CTNNA2: variants seen among roughly 807,000 people sequenced by gnomAD.
The protein encoded by CTNNA2 is catenin alpha-2.
Under a neutral mutation model 101.0 loss-of-function variants are expected in CTNNA2, and 42 were observed. That is an observed-to-expected ratio of 0.42 (90% CI 0.32 to 0.54). The LOEUF (loss-of-function observed/expected upper bound fraction) is 0.54. Among genes scored for constraint, CTNNA2 ranks in the 20% least tolerant of loss-of-function variants. CTNNA2 has a pLI of 0.14. For missense variants in CTNNA2, 871 were observed against 1,223.1 expected (o/e 0.71, Z 4.29); for synonymous variants, 450 against 456.4 (o/e 0.99, Z 0.18).
At chr2:80,347,648 A>G (rs769731957) in intron 7 of CTNNA2, among the ~76,000 whole-genome samples, 34 of 151,384 alleles carry the variant, frequency 2.2e-4, no homozygotes, top group Non-Finnish European at 4.0e-4. Flanking sequence ...TGTATCTGAC[A>G]TTCCATGTGG....
At chr2:80,134,995 C>T (rs991307754) in intron 7 of CTNNA2, among the ~76,000 whole-genome samples, 1 of 152,036 alleles carries the variant, frequency 6.6e-6, no homozygotes, top group Non-Finnish European at 1.5e-5. Context: ...TAGATAGATG[C>T]CAGGTGCAGT....
intron 9 of CTNNA2, among the ~76,000 whole-genome samples, chr2:80,540,697 A>AT (rs1691479363): frequency 6.6e-6 from 1 of 151,434 alleles, no homozygotes; most frequent in African/African-American, 2.4e-5. Context: ...AAGCTATATT[A>AT]TTTTTTTCTT....
At chr2:79,939,945 A>C (rs1301671261) in intron 7 of CTNNA2, among the ~76,000 whole-genome samples, 1 of 152,106 alleles carries the variant, frequency 6.6e-6, no homozygotes, top group Non-Finnish European at 1.5e-5. Flanking sequence ...ATACAAAATT[A>C]GCTGGGCGTG....
In CTNNA2 at chr2:79,669,501, G is replaced by T. The variant is rs151061826; in HGVS notation, c.102+17843G>T. ...GCGCAGACAATTGAAGGGTGAAGAA[G>T]AGGTTTATTTAGTGTTAGACGAGCT... On this transcript the variant is annotated intron_variant, in intron 2 of 18. Transcript: ENST00000402739. 4.0e-3 allele frequency among the ~76,000 whole-genome samples: 616 copies of T among 152,274 alleles called. 26 individuals are homozygous for T. In the South Asian group the frequency reaches 0.077, roughly 19 times the overall value.
At chr2:80,366,994 G>C (rs2149326928) in intron 7 of CTNNA2, among the ~76,000 whole-genome samples, 1 of 146,716 alleles carries the variant, frequency 6.8e-6, no homozygotes, top group South Asian at 2.2e-4. Context: ...GTAGGTGAGA[G>C]ACAAATGGTT....
At chr2:80,158,956 C>T (rs927280157) in intron 7 of CTNNA2, among the ~76,000 whole-genome samples, 36 of 152,152 alleles carry the variant, frequency 2.4e-4, no homozygotes, top group African/African-American at 5.5e-4. Flanking sequence ...CCATACAGTC[C>T]GTGACATTTG....
intron 7 of CTNNA2, among the ~76,000 whole-genome samples, chr2:79,993,537 T>C (rs1455442011): frequency 6.6e-6 from 1 of 152,114 alleles, no homozygotes. Context: ...ACAACAAAGG[T>C]AGTAAATGAT....
At chr2:79,666,921 A>G (rs1682459950) in intron 2 of CTNNA2, among the ~76,000 whole-genome samples, 1 of 152,150 alleles carries the variant, frequency 6.6e-6, no homozygotes, top group Non-Finnish European at 1.5e-5. Flanking sequence ...CCTCTTACAG[A>G]AACCTCCAGA....
At chr2:79,690,046 C>G (rs560352404) in intron 2 of CTNNA2, among the ~76,000 whole-genome samples, 2 of 152,054 alleles carry the variant, frequency 1.3e-5, no homozygotes, top group East Asian at 1.9e-4. Flanking sequence ...CAATAGATAA[C>G]TGGTAAGGAT....
At chr2:79,866,316 T>C (rs995583276) in intron 4 of CTNNA2, among the ~76,000 whole-genome samples, 1 of 152,190 alleles carries the variant, frequency 6.6e-6, no homozygotes, top group African/African-American at 2.4e-5. Context: ...TGGTTATAAA[T>C]ATTAAGGACA....
At chr2:79,802,950 A>G (rs1676280819) in intron 3 of CTNNA2, among the ~76,000 whole-genome samples, 1 of 152,272 alleles carries the variant, frequency 6.6e-6, no homozygotes. Context: ...TGGCTTTAAA[A>G]CATTTTAAAA....
chr2:80,238,142 T>A (rs1321468940), intron 7 of CTNNA2, among the ~76,000 whole-genome samples: 1 of 152,156 alleles, frequency 6.6e-6, no homozygotes, highest in Admixed American at 6.5e-5. Context: ...TAATAGTGCA[T>A]TCTCACAAGG....
At chr2:80,271,352 A>G (rs1673453493) in intron 7 of CTNNA2, among the ~76,000 whole-genome samples, 1 of 152,032 alleles carries the variant, frequency 6.6e-6, no homozygotes, top group Admixed American at 6.5e-5. Flanking sequence ...TATGGTGGGT[A>G]AGAAGAAGGA....
intron 4 of CTNNA2, among the ~76,000 whole-genome samples, chr2:79,422,255 T>C (rs926226902): frequency 5.3e-4 from 81 of 152,208 alleles, no homozygotes; most frequent in African/African-American, 1.9e-3. Context: ...TCAACTTAAA[T>C]TCTTATCTAG....
At chr2:79,585,721 G>A (rs930521443) in intron 1 of CTNNA2, among the ~76,000 whole-genome samples, 1 of 151,888 alleles carries the variant, frequency 6.6e-6, no homozygotes, top group African/African-American at 2.4e-5. Context: ...CTCTGCTCCA[G>A]CCCCTCCCTC....
At position 79,678,636 on chromosome 2, in the gene CTNNA2, G is replaced by A. The variant is rs185826094; in HGVS notation, c.102+26978G>A. Among the ~76,000 whole-genome samples, 368 of 152,102 alleles carry A rather than the reference G, an allele frequency of 2.4e-3. 6 individuals carry two copies. Among genetic ancestry groups the A allele is most frequent in the Non-Finnish European group, 4.0e-3 (271 of 68,002 alleles). On this transcript the variant is annotated intron_variant, in intron 2 of 18. Transcript: ENST00000402739. ...TCCCTGTCTGAGTTCCAGGAAGCTA[G>A]TCTCCCATTTTCATTTTGCCCCAGC...
chr2:80,240,685 A>G (rs1457795294), intron 7 of CTNNA2, among the ~76,000 whole-genome samples: 1 of 152,140 alleles, frequency 6.6e-6, no homozygotes, highest in East Asian at 1.9e-4. Flanking sequence ...CATCATTAAT[A>G]CCATAGTGTA....
chr2:79,710,401 A>G (rs1159777012), intron 2 of CTNNA2, among the ~76,000 whole-genome samples: 1 of 152,126 alleles, frequency 6.6e-6, no homozygotes, highest in African/African-American at 2.4e-5. Flanking sequence ...AAGTGCTTAC[A>G]CCTATTTTGA....
intron 2 of CTNNA2, among the ~76,000 whole-genome samples, chr2:79,312,064 G>A (rs1396437446): frequency 1.3e-5 from 2 of 150,094 alleles, no homozygotes; most frequent in African/African-American, 4.9e-5. Flanking sequence ...TACCATGCAT[G>A]GCTGTTTAAA....
Sources: allele counts gnomAD v4.1 joint callset (sites outside exome capture counted in the v4.1 genomes callset), GRCh38; gene constraint gnomAD v4.1.1; transcripts MANE v1.5; gene names NCBI Gene and HGNC (gene_info 2026-07-23, HGNC 2026-07-21).